NELL1: variants seen among roughly 807,000 people sequenced by gnomAD.
The protein encoded by NELL1 is neural EGFL like 1, also known as protein kinase C-binding protein NELL1.
NELL1 carries 76 observed loss-of-function variants against 107.4 expected under a neutral mutation model. That is an observed-to-expected ratio of 0.71 (90% confidence interval 0.59 to 0.86). The LOEUF is 0.86. NELL1 is among the 40% of genes least tolerant of loss of function. NELL1 has a pLI of 0.00. For synonymous variants in NELL1, 353 were observed against 341.2 expected, an observed-to-expected ratio of 1.03 and a Z score of -0.38; for missense variants, 1,024 against 1,005.5, an observed-to-expected ratio of 1.02 and a Z score of -0.25.
At chr11:21,120,378 C>T (rs1855338513) in intron 13 of NELL1, among the ~76,000 whole-genome samples, 1 of 152,030 alleles carries the variant, frequency 6.6e-6, no homozygotes, top group South Asian at 2.1e-4. Flanking sequence ...AGAATATTTT[C>T]AAATATGAGA....
At chr11:21,024,053 T>C (rs2134306521) in intron 12 of NELL1, among the ~76,000 whole-genome samples, 1 of 152,168 alleles carries the variant, frequency 6.6e-6, no homozygotes, top group South Asian at 2.1e-4. Flanking sequence ...ACAAAAAAGA[T>C]AGCGATTTAC....
At chr11:21,264,847 G>T (rs564456764) in intron 14 of NELL1, among the ~76,000 whole-genome samples, 344 of 151,972 alleles carry the variant, frequency 2.3e-3, no homozygotes, top group African/African-American at 8.0e-3. Flanking sequence ...TTAGCACAAA[G>T]AGATTCTCTT....
At chr11:20,792,492 A>G (rs1857094409) in intron 3 of NELL1, among the ~76,000 whole-genome samples, 1 of 150,936 alleles carries the variant, frequency 6.6e-6, no homozygotes, top group Non-Finnish European at 1.5e-5. Flanking sequence ...CACTGTTTCT[A>G]TCTGTCTTTA....
intron 13 of NELL1, among the ~76,000 whole-genome samples, chr11:21,205,831 G>A (rs1292684173): frequency 1.3e-5 from 2 of 152,160 alleles, no homozygotes; most frequent in African/African-American, 2.4e-5. Context: ...GCTGTCTCAT[G>A]TTGGAGCTCT....
intron 13 of NELL1, among the ~76,000 whole-genome samples, chr11:21,180,802 AC>A (rs1444911158): frequency 2.6e-5 from 4 of 151,482 alleles, no homozygotes; most frequent in Non-Finnish European, 5.9e-5. Flanking sequence ...AGCCCAGCAA[AC>A]TTTTTGTCTG....
chr11:20,975,484 T>C lies in NELL1; in HGVS notation c.1300+14924T>C, dbSNP rs111776990. 4.2e-3 allele frequency among the ~76,000 whole-genome samples: 616 copies of C among 147,926 alleles called. 3 individuals carry two copies. Among genetic ancestry groups the C allele is most frequent in the Non-Finnish European group, 6.8e-3 (460 of 67,216 alleles). On this transcript the variant is annotated intron_variant, in intron 12 of 19. Coordinates refer to ENST00000357134, the MANE Select transcript of NELL1 (RefSeq NM_006157.5). ...ATAGATATTTCTTATTCTTCATGGA[T>C]ATAGCTACATATTCAATATATTATA...
At chr11:20,760,714 T>G (rs1856400877) in intron 2 of NELL1, among the ~76,000 whole-genome samples, 1 of 152,152 alleles carries the variant, frequency 6.6e-6, no homozygotes, top group African/African-American at 2.4e-5. Flanking sequence ...AAATAAGATT[T>G]CTTAGGATTT....
At chr11:21,385,318 A>G (rs1462161549) in intron 15 of NELL1, among the ~76,000 whole-genome samples, 1 of 151,924 alleles carries the variant, frequency 6.6e-6, no homozygotes, top group Admixed American at 6.6e-5. Flanking sequence ...AAAGCAGACA[A>G]TTTAACAAGA....
In NELL1 at chr11:20,678,000, A is replaced by G. The variant is rs748988491; in HGVS notation, c.124A>G (p.Thr42Ala). The G allele has an allele frequency of 2.2e-5, 36 of 1,613,890 alleles. No homozygotes were observed. Among genetic ancestry groups the G allele is most frequent in the Non-Finnish European group, 2.9e-5 (34 of 1,179,986 alleles). ...IVTELDLVNT[T>A]LGVAQVSGMH... is the part of the protein sequence containing the mutation. ...CACCGAGCTTGACCTTGTGAACACC[A>G]CCCTTGGAGTTGCTCAGGTGTCTGG... Residue 42 changes from threonine (T) to alanine (A), a missense_variant, in exon 2 of 20, where the codon ACC (threonine) becomes GCC (alanine). By Grantham distance (58) the Thr-to-Ala change is moderately conservative. Transcript: ENST00000357134.
intron 2 of NELL1, among the ~76,000 whole-genome samples, chr11:20,739,590 T>C (rs1392370221): frequency 6.6e-6 from 1 of 152,218 alleles, no homozygotes; most frequent in Non-Finnish European, 1.5e-5. Flanking sequence ...TGACAGTGTC[T>C]TCTGAGAATC....
At chr11:21,350,523 C>T (rs893969059) in intron 14 of NELL1, among the ~76,000 whole-genome samples, 2 of 152,150 alleles carry the variant, frequency 1.3e-5, no homozygotes, top group African/African-American at 4.8e-5. Context: ...GAAGCCAAAG[C>T]ATTTATAAAA....
At chr11:21,220,235 C>T (rs934320942) in intron 13 of NELL1, among the ~76,000 whole-genome samples, 1 of 152,098 alleles carries the variant, frequency 6.6e-6, no homozygotes, top group African/African-American at 2.4e-5. Flanking sequence ...GTTTTTATGC[C>T]AGTATCATGC....
At chr11:21,099,139 T>A (rs990082813) in intron 12 of NELL1, among the ~76,000 whole-genome samples, 2 of 151,948 alleles carry the variant, frequency 1.3e-5, no homozygotes, top group African/African-American at 4.8e-5. Flanking sequence ...TGAGTTTTTT[T>A]AAACTTAGGA....
chr11:21,573,890 G>A (rs1053255935), intron 19 of NELL1, among the ~76,000 whole-genome samples: 1 of 151,440 alleles, frequency 6.6e-6, no homozygotes, highest in Non-Finnish European at 1.5e-5. Context: ...GTCCTCTCAA[G>A]TTGTTTTGCT....
chr11:21,241,993 T>G (rs375663872), intron 14 of NELL1, among the ~76,000 whole-genome samples: 39 of 150,464 alleles, frequency 2.6e-4, no homozygotes, highest in African/African-American at 8.5e-4. Context: ...CCTGTGAGAA[T>G]AAACCAGTCA....
At chr11:20,974,370 T>G (rs752426174) in intron 12 of NELL1, among the ~76,000 whole-genome samples, 3 of 152,218 alleles carry the variant, frequency 2.0e-5, no homozygotes, top group African/African-American at 7.2e-5. Context: ...TGTCACACAC[T>G]ATATGACAGA....
rs566110060 is a variant in NELL1, at chr11:21,557,029, T to C, written c.1787-3160T>C. On this transcript the variant is annotated intron_variant, in intron 16 of 19. Coordinates refer to ENST00000357134, the MANE Select transcript of NELL1 (RefSeq NM_006157.5). Reference sequence around the variant, plus strand: ...CAACAGTTGCAATATGTAAATAGGGTGCCTCTTCCCGTTGGCTGCCTTGGG... The same window carrying C: ...CAACAGTTGCAATATGTAAATAGGGCGCCTCTTCCCGTTGGCTGCCTTGGG... 8.5e-5 allele frequency among the ~76,000 whole-genome samples: 13 copies of C among 152,050 alleles called. No individual in the cohort carries two copies. In the East Asian group the frequency reaches 2.3e-3, roughly 27 times the overall value.
At chr11:21,029,692 G>T (rs1180216743) in intron 12 of NELL1, among the ~76,000 whole-genome samples, 4 of 152,042 alleles carry the variant, frequency 2.6e-5, no homozygotes, top group Non-Finnish European at 4.4e-5. Context: ...TGGGTTCATA[G>T]TCCCAAGTAC....
intron 4 of NELL1, among the ~76,000 whole-genome samples, chr11:20,871,903 C>A (rs576923693): frequency 6.6e-6 from 1 of 150,788 alleles, no homozygotes; most frequent in Admixed American, 6.7e-5. Flanking sequence ...CCTGTAGTCC[C>A]AGCTACTCAG....
Sources: gnomAD v4.1 joint callset for allele counts (sites outside exome capture counted in the v4.1 genomes callset) on GRCh38, gnomAD v4.1.1 for gene constraint, MANE v1.5 for transcripts, NCBI Gene and HGNC (gene_info 2026-07-23, HGNC 2026-07-21) for gene names.